EME1: variants seen among roughly 807,000 people sequenced by gnomAD.
EME1 encodes the protein structure-specific endonuclease subunit EME1.
EME1 carries 61 observed loss-of-function variants against 59.1 expected under a neutral mutation model. The ratio of observed to expected loss-of-function variants is 1.03; its 90% CI spans 0.84 to 1.28. The LOEUF (loss-of-function observed/expected upper bound fraction) is 1.28, where lower values mean the gene tolerates loss of function less well. Among genes scored for constraint, EME1 ranks in the 50% most tolerant of loss-of-function variants. The probability of loss-of-function intolerance (pLI) is 0.00; values close to 1 mark genes in which losing one functional copy is unlikely to be tolerated. For synonymous variants in EME1, 230 were observed against 254.2 expected, an observed-to-expected ratio of 0.90 and a Z score of 0.90; for missense variants, 635 against 682.6, an observed-to-expected ratio of 0.93 and a Z score of 0.78.
Position 50,381,342 on chromosome 17 carries a change from T to A in EME1, c.*403T>A, listed in dbSNP as rs1422774400. 2 of 207,448 alleles carry A rather than the reference T, an allele frequency of 9.6e-6. No homozygotes were observed. Among genetic ancestry groups the A allele is most frequent in the Non-Finnish European group, 2.0e-5 (2 of 100,764 alleles). 12.9% of individuals were successfully genotyped at this position (207,448 alleles called of 1,614,324 possible). ...GGTTGGCTTGACTGGGCTCAGCCAC[T>A]GAGCTGCCTCAACCGGCCAAGGAAC... On this transcript the variant is annotated 3_prime_UTR_variant, in exon 9 of 9. Coordinates refer to ENST00000338165, the MANE Select transcript of EME1 (RefSeq NM_152463.4).
intron 3 of EME1, among the ~76,000 whole-genome samples, chr17:50,376,540 GTACCCCTC>G (rs2143310326): frequency 1.3e-5 from 2 of 152,266 alleles, no homozygotes; most frequent in Non-Finnish European, 2.9e-5. Context: ...ATCTACTAAT[GTACCCCTC>G]TCAGTCATGA....
At chr17:50,379,698 G>T in intron 7 of EME1, 131 bp downstream of exon 7, 1 of 754,128 alleles carries the variant, frequency 1.3e-6, no homozygotes, top group Admixed American at 2.6e-5. Context: ...GAGGCAGAAG[G>T]AGCTGACCTC....
intron 3 of EME1, among the ~76,000 whole-genome samples, chr17:50,376,840 G>A (rs557544663): frequency 3.3e-5 from 5 of 152,104 alleles, no homozygotes; most frequent in Non-Finnish European, 7.4e-5. Flanking sequence ...TCCTCTCCTC[G>A]GGTCCCTGCT....
At position 50,381,097 on chromosome 17, in the gene EME1, CTG is replaced by C; in HGVS notation, c.*160_*161del. The stretch of plus-strand genomic sequence containing the variant: ...TTATTATTTGTGAAGGTCTCTCTGC[CTG>C]TCGGCTGGGGCAGAGACTGAAATAC... On this transcript the variant is annotated 3_prime_UTR_variant, in exon 9 of 9. Coordinates refer to ENST00000338165, the MANE Select transcript of EME1 (RefSeq NM_152463.4). The C allele has an allele frequency of 1.3e-6, 1 of 790,206 alleles. No individual in the cohort carries two copies. The highest frequency in any genetic ancestry group is 2.0e-6 in the Non-Finnish European group (1 of 511,116). 48.9% of individuals were successfully genotyped at this position (790,206 alleles called of 1,614,324 possible).
intron 7 of EME1, chr17:50,380,027 C>G: frequency 2.6e-6 from 1 of 380,912 alleles, no homozygotes; most frequent in Non-Finnish European, 4.8e-6. Context: ...AAGCTCCTAG[C>G]AGTTAGAAGA....
chr17:50,381,236 A>T lies in EME1; in HGVS notation c.*297A>T. The T allele has an allele frequency of 2.8e-6, 1 of 356,728 alleles. No homozygotes were observed. 22.1% of individuals were successfully genotyped at this position (356,728 alleles called of 1,614,324 possible). On this transcript the variant is annotated 3_prime_UTR_variant, in exon 9 of 9. Coordinates refer to ENST00000338165, the MANE Select transcript of EME1 (RefSeq NM_152463.4). Reference sequence around the variant, plus strand: ...CCTCAAAACACAAAGGAACAAAGACAGTCCACTCAGACACTTATTTAATAA... The same window carrying T: ...CCTCAAAACACAAAGGAACAAAGACTGTCCACTCAGACACTTATTTAATAA...
In EME1 at chr17:50,380,875, C is replaced by A; in HGVS notation, c.1649C>A (p.Ser550Tyr). ...STSRRIGPEL[S>Y]RRIYLQMTTL... is the part of the protein sequence containing the mutation. ...TCTCGCCGCATTGGACCAGAACTAT[C>A]CAGGCGTATCTACCTTCAGATGACC... The change falls in exon 9 of 9, where the codon TCC (serine) becomes TAC (tyrosine). Residue 550 changes from serine to tyrosine, a missense_variant. Coordinates refer to ENST00000338165, the MANE Select transcript of EME1 (RefSeq NM_152463.4). 1.2e-6 allele frequency: 2 copies of A among 1,614,176 alleles called. No individual in the cohort carries two copies. The highest frequency in any genetic ancestry group is 1.7e-6 in the Non-Finnish European group (2 of 1,180,024).
chr17:50,374,678 C>G (rs1000212586), intron 1 of EME1, among the ~76,000 whole-genome samples: 1 of 152,014 alleles, frequency 6.6e-6, no homozygotes, highest in Non-Finnish European at 1.5e-5. Flanking sequence ...ATGATGAAAA[C>G]GCATCTCTAC....
chr17:50,373,293 C>G lies in EME1; in HGVS notation c.-25+16C>G, dbSNP rs1913256653. 1 of 1,372,314 alleles carries G rather than the reference C, an allele frequency of 7.3e-7. No homozygotes were observed. The highest frequency in any genetic ancestry group is 1.4e-5 in the African/African-American group (1 of 69,226). 85.0% of individuals were successfully genotyped at this position (1,372,314 alleles called of 1,614,324 possible). A position where few individuals can be genotyped will look rare whatever the true frequency, so the allele number is the denominator to read the frequency against. ...GAAGTTGCAGGTGAGCGTCCCCGGT[C>G]GCAGGCCTGCGGATTGGGCAGGGCT... is the stretch of plus-strand genomic sequence containing the variant. On this transcript the variant is annotated intron_variant, in intron 1 of 8. Coordinates refer to ENST00000338165, the MANE Select transcript of EME1 (RefSeq NM_152463.4).
At chr17:50,380,099 A>G (rs1014214979) in intron 7 of EME1, 8 of 521,988 alleles carry the variant, frequency 1.5e-5, no homozygotes, top group African/African-American at 3.8e-5. Flanking sequence ...CTTCTACTAT[A>G]ATGGACTAGA....
At chr17:50,378,191 C>T (rs145093709) in intron 3 of EME1, among the ~76,000 whole-genome samples, 1,984 of 151,836 alleles carry the variant, frequency 0.013, 30 homozygotes, top group Non-Finnish European at 0.019. Context: ...CTCAGTCTCC[C>T]GAGTAGCTGG....
rs1913334759 is a variant in EME1 at position 50,374,365 on chromosome 17, G to T, written c.-24-820G>T. Among the ~76,000 whole-genome samples, 3 of 152,088 alleles carry T rather than the reference G, an allele frequency of 2.0e-5. No homozygotes were observed. In the South Asian group the frequency reaches 6.2e-4, roughly 31 times the overall value. On this transcript the variant is annotated intron_variant, in intron 1 of 8. Transcript: ENST00000338165. ...CAATCCTCCCACCTCAGCCTCCTGA[G>T]TATCTGGGACTACAGGTGTGAGCCA...
rs968700194 is a variant in EME1 at position 50,378,359 on chromosome 17, C to T, written c.904-236C>T. ...GATTACAGGCGTGAGTCACCGCGCC[C>T]GGCTGCTATGTTCCTTTCTTATTCA... On this transcript the variant is annotated intron_variant, in intron 3 of 8. Transcript: ENST00000338165. Among the ~76,000 whole-genome samples the T allele has an allele frequency of 3.9e-5, 6 of 152,146 alleles. No homozygotes were observed. The South Asian group carries it at 8.3e-4, about 21-fold the overall frequency.
intron 7 of EME1, 179 bp from the exon 8 acceptor site, chr17:50,380,133 A>T: frequency 1.7e-6 from 1 of 586,366 alleles, no homozygotes; most frequent in African/African-American, 1.9e-5. Context: ...TGAATCAGCA[A>T]CTGGCCCTAT....
chr17:50,380,650 CAGGG>C, intron 8 of EME1, 109 bp from the exon 9 acceptor site: 1 of 1,543,160 alleles, frequency 6.5e-7, no homozygotes, highest in Non-Finnish European at 8.8e-7. Context: ...AATGCTGACC[CAGGG>C]AGGGAGGACA....
intron 5 of EME1, 41 bp downstream of exon 5, chr17:50,378,936 C>T: frequency 6.2e-7 from 1 of 1,613,984 alleles, no homozygotes; most frequent in South Asian, 1.1e-5. Context: ...AAAGGGGCAG[C>T]TCTTGGGCCA....
Position 50,375,484 on chromosome 17 carries a change from A to G in EME1, c.276A>G (p.Glu92=). The change falls in exon 2 of 9, where the codon GAA becomes GAG. Residue 92 remains glutamate, a synonymous_variant. Transcript: ENST00000338165. ...LLSSESEDEE[E]FIPLAQRLTC... is the part of the protein sequence containing the mutation. ...GCAGTGAAAGTGAAGATGAAGAAGA[A>G]TTTATTCCTCTGGCTCAAAGGCTTA... 1 of 1,613,982 alleles carries G rather than the reference A, an allele frequency of 6.2e-7. No individual in the cohort carries two copies. The highest frequency in any genetic ancestry group is 8.5e-7 in the Non-Finnish European group (1 of 1,179,930).
In EME1 at chr17:50,373,292, T is replaced by G; in HGVS notation, c.-25+15T>G. 1.4e-6 allele frequency: 2 copies of G among 1,396,218 alleles called. No individual in the cohort carries two copies. The highest frequency in any genetic ancestry group is 4.9e-5 in the East Asian group (2 of 40,506). The allele number at this position is 1,396,218 out of a possible 1,614,324, so 86.5% of individuals were successfully genotyped here. ...AGAAGTTGCAGGTGAGCGTCCCCGG[T>G]CGCAGGCCTGCGGATTGGGCAGGGC... On this transcript the variant is annotated intron_variant, in intron 1 of 8. Coordinates refer to ENST00000338165, the MANE Select transcript of EME1 (RefSeq NM_152463.4).
chr17:50,376,024 T>C (rs1259342416), intron 2 of EME1, 41 bp downstream of exon 2: 1 of 1,607,968 alleles, frequency 6.2e-7, no homozygotes, highest in African/African-American at 1.3e-5. Context: ...GTTATCTGCG[T>C]TCTGGACCCC....
Sources: allele counts gnomAD v4.1 joint callset (sites outside exome capture counted in the v4.1 genomes callset), GRCh38; gene constraint gnomAD v4.1.1; transcripts MANE v1.5; gene names NCBI Gene and HGNC (gene_info 2026-07-23, HGNC 2026-07-21).